The following USP12 variants were observed in gnomAD, a reference collection of about 807,000 sequenced individuals.
The protein encoded by USP12 is ubiquitin carboxyl-terminal hydrolase 12.
Under a neutral mutation model 45.5 loss-of-function variants are expected in USP12, and 19 were observed. The observed-to-expected ratio is 0.42, with a 90% confidence interval of 0.29 to 0.61. The LOEUF (loss-of-function observed/expected upper bound fraction) is 0.61, where lower values mean the gene tolerates loss of function less well. USP12 is among the 20% of genes least tolerant of loss of function. The pLI is 0.22. For synonymous variants in USP12, 149 were observed against 148.8 expected (o/e 1.00, Z -0.01); for missense variants, 242 against 447.7 (o/e 0.54, Z 4.15).
At chr13:27,117,805 G>A (rs765652753) in intron 1 of USP12, 1 of 518,122 alleles carries the variant, frequency 1.9e-6, no homozygotes, top group East Asian at 5.5e-5. Flanking sequence ...TCAAGAACGT[G>A]ATCAACTCAA....
Position 27,165,781 on chromosome 13 carries a change from A to G in USP12, c.48+5811T>C, listed in dbSNP as rs566365715. Among the ~76,000 whole-genome samples, 172 of 152,328 alleles carry G rather than the reference A, an allele frequency of 1.1e-3. 1 individual carries two copies. Among genetic ancestry groups the G allele is most frequent in the African/African-American group, 3.5e-3 (147 of 41,580 alleles). On this transcript the variant is annotated intron_variant, in intron 1 of 8. Transcript: ENST00000282344. ...GTGGTATCAGTAACCTCCAGTTTTA[A>G]AGAAAGAAAAATGTATTTAGACTGT...
chr13:27,082,544 C>T (rs1053558326), intron 6 of USP12, among the ~76,000 whole-genome samples: 5 of 152,310 alleles, frequency 3.3e-5, no homozygotes, highest in Admixed American at 2.0e-4. Flanking sequence ...TCTTCAAATA[C>T]TTTTTCTTTG....
chr13:27,103,607 A>AAAAATAAAAAT, intron 3 of USP12, among the ~76,000 whole-genome samples: 1 of 128,510 alleles, frequency 7.8e-6, no homozygotes, highest in African/African-American at 2.9e-5. Flanking sequence ...TCAAAAAAAA[A>AAAAATAAAAAT]AATAATAATA....
intron 1 of USP12, chr13:27,170,073 A>T (rs2137854137): frequency 2.7e-6 from 1 of 370,756 alleles, no homozygotes; most frequent in South Asian, 1.5e-4. Flanking sequence ...CGTATCTAAA[A>T]ATAATTAGCC....
chr13:27,116,498 G>A lies in USP12; in HGVS notation c.129+18C>T, dbSNP rs760881635. 6.8e-6 allele frequency: 11 copies of A among 1,608,940 alleles called. No individual in the cohort carries two copies. The highest frequency in any genetic ancestry group is 6.7e-5 in the East Asian group (3 of 44,774). On this transcript the variant is annotated intron_variant, in intron 2 of 8. Coordinates refer to ENST00000282344, the MANE Select transcript of USP12 (RefSeq NM_182488.4). ...TGCTTCCGAACATGATTCTAAAAGC[G>A]TATCAATGGATACTTACATTGACTA...
intron 2 of USP12, among the ~76,000 whole-genome samples, chr13:27,110,783 C>T (rs116969880): frequency 1.1e-4 from 17 of 152,040 alleles, no homozygotes; most frequent in Non-Finnish European, 2.2e-4. Context: ...TGTATTTGTA[C>T]TACAATCTAA....
At chr13:27,170,554 A>G (rs1183419996) in intron 1 of USP12, among the ~76,000 whole-genome samples, 1 of 152,254 alleles carries the variant, frequency 6.6e-6, no homozygotes, top group Non-Finnish European at 1.5e-5. Flanking sequence ...TAATGAAACG[A>G]ATTTGTCTCA....
intron 1 of USP12, among the ~76,000 whole-genome samples, chr13:27,167,568 A>C (rs925137213): frequency 2.6e-5 from 4 of 152,088 alleles, no homozygotes; most frequent in African/African-American, 9.6e-5. Flanking sequence ...AAGAAGCTTA[A>C]GTTTTGTTCC....
At chr13:27,170,759 A>T (rs1593221703) in intron 1 of USP12, among the ~76,000 whole-genome samples, 1 of 152,204 alleles carries the variant, frequency 6.6e-6, no homozygotes, top group East Asian at 1.9e-4. Context: ...CCAGCCACAT[A>T]CAGATGTGTC....
chr13:27,095,839 A>G lies in USP12; in HGVS notation c.344-9T>C, dbSNP rs1261712418. The G allele has an allele frequency of 8.9e-6, 14 of 1,570,194 alleles. No homozygotes were observed. Among genetic ancestry groups the G allele is most frequent in the Non-Finnish European group, 1.2e-5 (14 of 1,160,566 alleles). On this transcript the variant is annotated splice_polypyrimidine_tract_variant and intron_variant, in intron 3 of 8. Transcript: ENST00000282344. ...GTAGTTGTCAAAAAGCTCTGAAAAT[A>G]AAAACATTATATTAGAGAATTATTT...
In USP12 at chr13:27,068,506, G is replaced by C. The variant is rs1003317562; in HGVS notation, c.*777C>G. ...CCTTAAAAATAGAAACAAACAAAAG[G>C]ACAACTTAAACTGACATTAACTAAT... is the stretch of plus-strand genomic sequence containing the variant. On this transcript the variant is annotated 3_prime_UTR_variant, in exon 9 of 9. Transcript: ENST00000282344. 1 of 152,152 alleles carries C rather than the reference G, an allele frequency of 6.6e-6. No individual in the cohort carries two copies. Among genetic ancestry groups the C allele is most frequent in the African/African-American group, 2.4e-5 (1 of 41,356 alleles). 9.4% of individuals were successfully genotyped at this position (152,152 alleles called of 1,614,324 possible).
chr13:27,084,919 A>G lies in USP12; in HGVS notation c.734+4964T>C, dbSNP rs182273386. Among the ~76,000 whole-genome samples the G allele has an allele frequency of 3.9e-4, 59 of 152,286 alleles. No individual in the cohort carries two copies. The East Asian group carries it at 0.011, about 28-fold the overall frequency. On this transcript the variant is annotated intron_variant, in intron 6 of 8. Transcript: ENST00000282344. ...TTTGGATGTTTTTTTCTATTTCTGC[A>G]GAAAATGCCATAGGAATTTTGATAG...
intron 1 of USP12, among the ~76,000 whole-genome samples, chr13:27,135,232 G>A (rs534491892): frequency 7.2e-5 from 11 of 152,192 alleles, no homozygotes; most frequent in East Asian, 5.8e-4. Flanking sequence ...GCAGTGAGCC[G>A]AGACCACAAA....
At chr13:27,081,169 T>G (rs1412978364) in intron 6 of USP12, among the ~76,000 whole-genome samples, 2 of 152,212 alleles carry the variant, frequency 1.3e-5, no homozygotes, top group Non-Finnish European at 2.9e-5. Flanking sequence ...TTTCACAGAT[T>G]TCTCTGTAGC....
At chr13:27,071,216 T>C in intron 7 of USP12, 67 bp from the exon 8 acceptor site, 1 of 1,416,490 alleles carries the variant, frequency 7.1e-7, no homozygotes, top group South Asian at 1.4e-5. Context: ...GCTCTAAATT[T>C]TGTTTTATAA....
At chr13:27,127,812 G>C (rs140837793) in intron 1 of USP12, among the ~76,000 whole-genome samples, 2 of 152,020 alleles carry the variant, frequency 1.3e-5, no homozygotes. Flanking sequence ...TAATCACTGC[G>C]CAAGTAACTG....
chr13:27,171,643 G>A lies in USP12; in HGVS notation c.-4C>T, dbSNP rs775115107. 18 of 1,291,970 alleles carry A rather than the reference G, an allele frequency of 1.4e-5. No homozygotes were observed. The Admixed American group carries it at 1.4e-4, about 10-fold the overall frequency. 80.0% of individuals were successfully genotyped at this position (1,291,970 alleles called of 1,614,324 possible). A position where few individuals can be genotyped will look rare whatever the true frequency, so the allele number is the denominator to read the frequency against. On this transcript the variant is annotated 5_prime_UTR_variant, in exon 1 of 9. Transcript: ENST00000282344. ...AGACTGTCATTAGGATTTCCATCCG[G>A]CCAGCGCCATCTTCCACCCAATCAC...
intron 1 of USP12, among the ~76,000 whole-genome samples, chr13:27,152,367 C>T (rs1877608677): frequency 6.6e-6 from 1 of 152,072 alleles, no homozygotes; most frequent in South Asian, 2.1e-4. Context: ...GTAAAAGCAG[C>T]CAGTCCCAAA....
chr13:27,125,685 G>A (rs1371846468), intron 1 of USP12, among the ~76,000 whole-genome samples: 1 of 152,190 alleles, frequency 6.6e-6, no homozygotes, highest in Admixed American at 6.5e-5. Context: ...AGGGGTCAAG[G>A]GATTTCCCTT....
Sources: gnomAD v4.1 joint callset for allele counts (sites outside exome capture counted in the v4.1 genomes callset) on GRCh38, gnomAD v4.1.1 for gene constraint, MANE v1.5 for transcripts, NCBI Gene and HGNC (gene_info 2026-07-23, HGNC 2026-07-21) for gene names.